STARD13: variants seen among roughly 807,000 people sequenced by gnomAD.
The protein encoded by STARD13 is stAR-related lipid transfer protein 13.
In STARD13, 62 loss-of-function variants were observed where a neutral mutation model predicts 106.4. The ratio of observed to expected loss-of-function variants is 0.58; its 90% CI spans 0.48 to 0.72. The LOEUF (loss-of-function observed/expected upper bound fraction) is 0.72, where lower values mean the gene tolerates loss of function less well. Among genes scored for constraint, STARD13 ranks in the 30% least tolerant of loss-of-function variants. The probability of loss-of-function intolerance (pLI) is 0.00; values close to 1 mark genes in which losing one functional copy is unlikely to be tolerated. For missense variants in STARD13, 1,387 were observed against 1,424.0 expected (o/e 0.97, Z 0.42); for synonymous variants, 565 against 553.0 (o/e 1.02, Z -0.31).
chr13:33,294,020 G>A (rs1291676515), intron 1 of STARD13, among the ~76,000 whole-genome samples: 1 of 152,144 alleles, frequency 6.6e-6, no homozygotes, highest in Non-Finnish European at 1.5e-5. Context: ...GTTGGCTAGT[G>A]ACAAAAGTAT....
chr13:33,106,671 G>A (rs1025131008), intron 13 of STARD13, 87 bp downstream of exon 13: 3 of 1,271,702 alleles, frequency 2.4e-6, no homozygotes, highest in Non-Finnish European at 3.2e-6. Context: ...AGTGAAATAA[G>A]AAATCAGGGT....
intron 1 of STARD13, among the ~76,000 whole-genome samples, chr13:33,262,493 A>G (rs1170205726): frequency 2.0e-5 from 3 of 152,152 alleles, no homozygotes; most frequent in African/African-American, 7.2e-5. Context: ...TCTGCAGATG[A>G]TTCGAACTTT....
At chr13:33,263,999 C>T (rs1158940360) in intron 1 of STARD13, among the ~76,000 whole-genome samples, 1 of 152,210 alleles carries the variant, frequency 6.6e-6, no homozygotes, top group African/African-American at 2.4e-5. Context: ...ACACACCTTG[C>T]CTTGCTCACT....
At chr13:33,275,255 C>T (rs544666117) in intron 1 of STARD13, among the ~76,000 whole-genome samples, 8 of 152,280 alleles carry the variant, frequency 5.3e-5, no homozygotes, top group East Asian at 1.9e-4. Flanking sequence ...AAAAATGTGG[C>T]ATTATATATG....
intron 1 of STARD13, among the ~76,000 whole-genome samples, chr13:33,228,709 C>T (rs2858133): frequency 0.78 from 119,342 of 152,160 alleles, 47,551 homozygotes; most frequent in African/African-American, 0.94. Flanking sequence ...TTTACACCTT[C>T]GAATACAAGA....
At chr13:33,398,626 G>A in the STARD13 span, among the ~76,000 whole-genome samples, 2 of 144,460 alleles carry the variant, frequency 1.4e-5, no homozygotes, top group Admixed American at 1.3e-4. Context: ...GGAATATGGG[G>A]AAAAAAAAGA....
chr13:33,413,813 C>T, the STARD13 span, among the ~76,000 whole-genome samples: 1 of 152,142 alleles, frequency 6.6e-6, no homozygotes, highest in South Asian at 2.1e-4. Context: ...AGGCAGATCA[C>T]CTGAGGACAG....
the STARD13 span, among the ~76,000 whole-genome samples, chr13:33,562,774 A>G: frequency 6.8e-6 from 1 of 146,910 alleles, no homozygotes; most frequent in Non-Finnish European, 1.5e-5. Flanking sequence ...AAGTGTTAAA[A>G]TATCAATAAT....
chr13:33,647,400 C>T, the STARD13 span, among the ~76,000 whole-genome samples: 1 of 152,158 alleles, frequency 6.6e-6, no homozygotes, highest in African/African-American at 2.4e-5. Context: ...TTCCACTGTG[C>T]CTTTTTCCCA....
intron 1 of STARD13, among the ~76,000 whole-genome samples, chr13:33,196,046 T>C (rs916892694): frequency 2.6e-5 from 4 of 152,202 alleles, no homozygotes; most frequent in South Asian, 4.1e-4. Flanking sequence ...ATATGAGAAA[T>C]GTTATCTGTG....
At chr13:33,199,561 G>T (rs1886867817) in intron 1 of STARD13, among the ~76,000 whole-genome samples, 1 of 152,206 alleles carries the variant, frequency 6.6e-6, no homozygotes, top group African/African-American at 2.4e-5. Context: ...AAACTCTAAA[G>T]ATAAAAATAA....
At chr13:33,625,234 C>T in the STARD13 span, among the ~76,000 whole-genome samples, 1 of 152,168 alleles carries the variant, frequency 6.6e-6, no homozygotes, top group South Asian at 2.1e-4. Flanking sequence ...GAGGTAGAAG[C>T]CCAGCCTGTC....
chr13:33,464,784 G>C, the STARD13 span, among the ~76,000 whole-genome samples: 1 of 152,122 alleles, frequency 6.6e-6, no homozygotes, highest in East Asian at 1.9e-4. Context: ...GGAAGGCGGA[G>C]GTTGCAGTGA....
chr13:33,277,411 A>T (rs1412745638), intron 1 of STARD13: 1 of 152,210 alleles, frequency 6.6e-6, no homozygotes, highest in Non-Finnish European at 1.5e-5. Context: ...ACATAATTTT[A>T]CTTCATTCAC....
At chr13:33,524,287 A>G in the STARD13 span, 6 of 1,281,058 alleles carry the variant, frequency 4.7e-6, no homozygotes, top group Non-Finnish European at 4.1e-6. Context: ...CACACCATCA[A>G]GATTCTGGAT....
chr13:33,672,341 A>T, the STARD13 span, among the ~76,000 whole-genome samples: 106 of 152,256 alleles, frequency 7.0e-4, no homozygotes, highest in Non-Finnish European at 1.4e-3. Flanking sequence ...CAGGGAAGGG[A>T]ACATCACACA....
chr13:33,518,061 G>A, the STARD13 span, among the ~76,000 whole-genome samples: 1 of 152,086 alleles, frequency 6.6e-6, no homozygotes, highest in African/African-American at 2.4e-5. Flanking sequence ...TAGGGAATCA[G>A]TGAGACTAGA....
At chr13:33,211,831 G>GTGTGTGTGTGTA (rs1887738432) in intron 1 of STARD13, among the ~76,000 whole-genome samples, 4 of 93,656 alleles carry the variant, frequency 4.3e-5, no homozygotes, top group African/African-American at 1.2e-4. Context: ...GTGTGTATGT[G>GTGTGTGTGTGTA]TGTGTGTGTG....
At chr13:33,136,705 G>A (rs1430362713) in intron 4 of STARD13, among the ~76,000 whole-genome samples, 1 of 152,110 alleles carries the variant, frequency 6.6e-6, no homozygotes, top group Non-Finnish European at 1.5e-5. Flanking sequence ...ACCCAACTTC[G>A]GGACCACCCT....
Sources: gnomAD v4.1 joint callset for allele counts (sites outside exome capture counted in the v4.1 genomes callset) on GRCh38, gnomAD v4.1.1 for gene constraint, MANE v1.5 for transcripts, NCBI Gene and HGNC (gene_info 2026-07-23, HGNC 2026-07-21) for gene names.